RANBP2: variants seen among roughly 807,000 people sequenced by gnomAD.
RANBP2 encodes E3 SUMO-protein ligase RanBP2.
In RANBP2, 57 loss-of-function variants were observed where a neutral mutation model predicts 303.6. The observed-to-expected ratio is 0.19, with a 90% CI of 0.15 to 0.23. The LOEUF is 0.23. Among genes scored for constraint, RANBP2 ranks in the 10% least tolerant of loss-of-function variants. The probability of loss-of-function intolerance (pLI) is 1.00; values close to 1 mark genes in which losing one functional copy is unlikely to be tolerated. For missense variants in RANBP2, 3,138 were observed against 3,780.8 expected, an observed-to-expected ratio of 0.83 and a Z score of 4.46; for synonymous variants, 1,167 against 1,301.5, an observed-to-expected ratio of 0.90 and a Z score of 2.23.
chr2:109,252,268 A>G, the RANBP2 span, among the ~76,000 whole-genome samples: 1 of 151,070 alleles, frequency 6.6e-6, no homozygotes, highest in African/African-American at 2.4e-5. Flanking sequence ...AAAAAAAAAA[A>G]CTTTCAACAT....
chr2:108,935,884 C>T, the RANBP2 span, among the ~76,000 whole-genome samples: 1 of 152,194 alleles, frequency 6.6e-6, no homozygotes, highest in Non-Finnish European at 1.5e-5. Context: ...CCGTCCTCCC[C>T]TAGACTCAGT....
the RANBP2 span, among the ~76,000 whole-genome samples, chr2:109,296,393 T>A: frequency 6.6e-6 from 1 of 151,774 alleles, no homozygotes; most frequent in South Asian, 2.1e-4. Context: ...ACACCCAGTT[T>A]TTTTTTTGTG....
chr2:109,510,580 C>T, the RANBP2 span, among the ~76,000 whole-genome samples: 1 of 152,324 alleles, frequency 6.6e-6, no homozygotes, highest in Non-Finnish European at 1.5e-5. Context: ...CCCTCTGCAG[C>T]CCAGAGGGCT....
the RANBP2 span, among the ~76,000 whole-genome samples, chr2:108,894,271 C>CTCTT: frequency 2.0e-5 from 3 of 152,256 alleles, no homozygotes; most frequent in East Asian, 1.9e-4. Context: ...TTTACATGAT[C>CTCTT]TCTTTGTAAT....
the RANBP2 span, chr2:108,856,945 T>C: frequency 6.2e-7 from 1 of 1,607,442 alleles, no homozygotes; most frequent in Non-Finnish European, 8.5e-7. Context: ...TTATTGATAG[T>C]TTGCTCCAGA....
the RANBP2 span, among the ~76,000 whole-genome samples, chr2:109,451,437 C>T: frequency 1.3e-5 from 2 of 152,204 alleles, no homozygotes; most frequent in African/African-American, 4.8e-5. Context: ...GTTCCTTAAG[C>T]ATTTCTAGTT....
At chr2:108,978,985 G>T in the RANBP2 span, among the ~76,000 whole-genome samples, 1 of 152,202 alleles carries the variant, frequency 6.6e-6, no homozygotes, top group Admixed American at 6.5e-5. Context: ...GGGGCAGGAG[G>T]GGGTGTAGTG....
the RANBP2 span, among the ~76,000 whole-genome samples, chr2:108,939,741 A>G: frequency 4.6e-4 from 70 of 152,294 alleles, no homozygotes; most frequent in African/African-American, 1.6e-3. Flanking sequence ...TTTTCTGCCA[A>G]TGGGCTACTG....
At chr2:109,520,653 AG>A in the RANBP2 span, among the ~76,000 whole-genome samples, 7,135 of 116,400 alleles carry the variant, frequency 0.061, 1,105 homozygotes, top group African/African-American at 0.2. Flanking sequence ...TGTTGAGGCC[AG>A]GCACAGCGGC....
the RANBP2 span, chr2:109,553,259 T>A: frequency 6.2e-7 from 1 of 1,609,162 alleles, no homozygotes; most frequent in Non-Finnish European, 8.5e-7. Flanking sequence ...TAAAAAGTGA[T>A]ATAGGTCGGG....
At chr2:109,539,180 C>A in the RANBP2 span, among the ~76,000 whole-genome samples, 1 of 151,976 alleles carries the variant, frequency 6.6e-6, no homozygotes, top group Non-Finnish European at 1.5e-5. Context: ...CACCAGTAGT[C>A]CCAACTATTC....
At chr2:109,540,798 C>CAAAAAAAAA in the RANBP2 span, among the ~76,000 whole-genome samples, 1 of 131,198 alleles carries the variant, frequency 7.6e-6, no homozygotes, top group Non-Finnish European at 1.6e-5. Flanking sequence ...AAGACCCTGT[C>CAAAAAAAAA]AAAAAAAAAA....
intron 23 of RANBP2, among the ~76,000 whole-genome samples, chr2:108,775,013 G>A (rs1156643918): frequency 1.3e-5 from 2 of 152,076 alleles, no homozygotes; most frequent in Admixed American, 1.3e-4. Flanking sequence ...TTTAAAAAAA[G>A]CTTAAATTAT....
the RANBP2 span, among the ~76,000 whole-genome samples, chr2:109,082,867 C>T: frequency 3.3e-5 from 5 of 149,672 alleles, no homozygotes; most frequent in Non-Finnish European, 4.4e-5. Context: ...ACTCTGTCTC[C>T]CAGGCTGGAG....
At chr2:109,306,023 G>C in the RANBP2 span, among the ~76,000 whole-genome samples, 1 of 152,264 alleles carries the variant, frequency 6.6e-6, no homozygotes, top group Non-Finnish European at 1.5e-5. Flanking sequence ...GACTTCAGGA[G>C]TGATTCGCTG....
the RANBP2 span, among the ~76,000 whole-genome samples, chr2:109,429,734 C>T: frequency 1.3e-5 from 2 of 152,212 alleles, no homozygotes; most frequent in South Asian, 2.1e-4. Context: ...TCCATCCCCT[C>T]GAGCTTTTGT....
the RANBP2 span, among the ~76,000 whole-genome samples, chr2:108,957,608 G>T: frequency 2.6e-5 from 4 of 152,062 alleles, no homozygotes; most frequent in African/African-American, 9.7e-5. Flanking sequence ...CTGGATAAAC[G>T]TGGGTTAAGA....
the RANBP2 span, among the ~76,000 whole-genome samples, chr2:109,365,418 C>T: frequency 1.3e-5 from 2 of 152,194 alleles, no homozygotes; most frequent in South Asian, 2.1e-4. Flanking sequence ...TGGTATTTCC[C>T]TATTGATCTC....
At chr2:109,053,162 G>GT in the RANBP2 span, among the ~76,000 whole-genome samples, 1 of 152,286 alleles carries the variant, frequency 6.6e-6, no homozygotes, top group South Asian at 2.1e-4. Flanking sequence ...CCTCAGGCTG[G>GT]TACACCTCAT....
Sources: allele counts gnomAD v4.1 joint callset (sites outside exome capture counted in the v4.1 genomes callset), GRCh38; gene constraint gnomAD v4.1.1; transcripts MANE v1.5; gene names NCBI Gene and HGNC (gene_info 2026-07-23, HGNC 2026-07-21).